Variants in STAU2 observed in about 807,000 individuals in gnomAD.
STAU2 encodes the protein staufen double-stranded RNA binding protein 2.
Under a neutral mutation model 65.9 loss-of-function variants are expected in STAU2, and 20 were observed. The observed-to-expected ratio is 0.30, with a 90% confidence interval of 0.21 to 0.44. STAU2 has a LOEUF of 0.44. Ranked by LOEUF, STAU2 falls within the 20% of genes least tolerant of loss-of-function variation. The pLI, the probability that STAU2 is intolerant of heterozygous loss-of-function variation, is 1.00. For missense variants in STAU2, 558 were observed against 683.9 expected (o/e 0.82, Z 2.05); for synonymous variants, 232 against 233.9 (o/e 0.99, Z 0.07).
At chr8:73,498,641 A>G (rs1821565783) in intron 13 of STAU2, among the ~76,000 whole-genome samples, 1 of 151,824 alleles carries the variant, frequency 6.6e-6, no homozygotes, top group African/African-American at 2.4e-5. Context: ...AAAGAAAATC[A>G]TAAAGACAAA....
chr8:73,441,205 A>G (rs1818109359), intron 13 of STAU2: 1 of 152,238 alleles, frequency 6.6e-6, no homozygotes, highest in Non-Finnish European at 1.5e-5. Context: ...TCTATTATAT[A>G]TTTAACCATT....
At chr8:73,478,305 T>TAAA (rs10660977) in intron 13 of STAU2, among the ~76,000 whole-genome samples, 3,066 of 77,402 alleles carry the variant, frequency 0.04, 99 homozygotes, top group Admixed American at 0.13. Context: ...ACTGATGAGC[T>TAAA]AAAAAAAAAA....
At chr8:73,688,528 GTGTAGGTATGGGCA>G in intron 5 of STAU2, 112 bp downstream of exon 5, 8 of 740,244 alleles carry the variant, frequency 1.1e-5, no homozygotes, top group Non-Finnish European at 1.6e-5. Flanking sequence ...GTGTGTGTGT[GTGTAGGTATGGGCA>G]TATGTGTACT....
chr8:73,488,998 C>T (rs543792006), intron 13 of STAU2, among the ~76,000 whole-genome samples: 1 of 151,664 alleles, frequency 6.6e-6, no homozygotes, highest in East Asian at 1.9e-4. Context: ...ATTTTTTTTT[C>T]TATCAATTCT....
At chr8:73,581,853 T>G (rs1810010700) in intron 12 of STAU2, among the ~76,000 whole-genome samples, 1 of 152,184 alleles carries the variant, frequency 6.6e-6, no homozygotes, top group Non-Finnish European at 1.5e-5. Flanking sequence ...TGTTACTAAT[T>G]TCATTATACA....
chr8:73,659,010 C>T (rs1264783093), intron 6 of STAU2, among the ~76,000 whole-genome samples: 2 of 150,130 alleles, frequency 1.3e-5, no homozygotes, highest in African/African-American at 2.4e-5. Context: ...CTTCACAAAA[C>T]CTTCACTGAA....
At chr8:73,622,434 A>G (rs535329981) in intron 6 of STAU2, among the ~76,000 whole-genome samples, 3 of 151,968 alleles carry the variant, frequency 2.0e-5, no homozygotes, top group Admixed American at 6.6e-5. Flanking sequence ...CAGGTCTTTC[A>G]TATCTCTTTT....
rs577008868 is a variant in STAU2 at position 73,692,922 on chromosome 8, G to C, written c.115-4109C>G. Among the ~76,000 whole-genome samples, 82 of 152,294 alleles carry C rather than the reference G, an allele frequency of 5.4e-4. No individual in the cohort carries two copies. In the South Asian group the frequency reaches 9.1e-3, roughly 17 times the overall value. ...TGCCTGGAATCCCAGCACTTTGGGA[G>C]GCCAAGGTGGGAGGATCACTTGAGC... On this transcript the variant is annotated intron_variant, in intron 4 of 14. Coordinates refer to ENST00000524300, the MANE Select transcript of STAU2 (RefSeq NM_001164380.2).
intron 6 of STAU2, among the ~76,000 whole-genome samples, chr8:73,643,410 G>A (rs928941786): frequency 3.9e-5 from 6 of 152,140 alleles, no homozygotes; most frequent in African/African-American, 1.4e-4. Context: ...CATTCCTATG[G>A]GGGCAGAGAC....
At chr8:73,729,629 G>A (rs974163375) in intron 3 of STAU2, among the ~76,000 whole-genome samples, 1 of 152,082 alleles carries the variant, frequency 6.6e-6, no homozygotes. Flanking sequence ...ACCCAGGTTG[G>A]AGTGCAATGG....
chr8:73,547,917 A>C (rs1009280865), intron 13 of STAU2, among the ~76,000 whole-genome samples: 15 of 152,180 alleles, frequency 9.9e-5, no homozygotes, highest in African/African-American at 3.4e-4. Context: ...TTGAAAAAAA[A>C]CCACAAAAAA....
intron 6 of STAU2, among the ~76,000 whole-genome samples, chr8:73,645,442 G>C (rs1815299330): frequency 6.6e-6 from 1 of 151,828 alleles, no homozygotes; most frequent in African/African-American, 2.4e-5. Flanking sequence ...AACATGTCCA[G>C]TTGGATTTAA....
chr8:73,610,105 C>G (rs1233412942), intron 9 of STAU2, among the ~76,000 whole-genome samples: 1 of 151,916 alleles, frequency 6.6e-6, no homozygotes, highest in Non-Finnish European at 1.5e-5. Flanking sequence ...GTTGCAAAAC[C>G]CTGTCTCTAC....
chr8:73,608,606 G>A (rs1373914062), intron 9 of STAU2, among the ~76,000 whole-genome samples: 7 of 95,734 alleles, frequency 7.3e-5, no homozygotes, highest in African/African-American at 2.3e-4. Flanking sequence ...GCAAGACTCC[G>A]TCCCATAAAA....
intron 4 of STAU2, among the ~76,000 whole-genome samples, chr8:73,706,465 G>C (rs1458934068): frequency 2.6e-5 from 4 of 152,026 alleles, no homozygotes; most frequent in Non-Finnish European, 4.4e-5. Flanking sequence ...TCTTACCAGA[G>C]ATTATCATTA....
chr8:73,690,066 C>T (rs956305843), intron 4 of STAU2, among the ~76,000 whole-genome samples: 10 of 151,484 alleles, frequency 6.6e-5, no homozygotes, highest in African/African-American at 2.2e-4. Context: ...CAGTGGCTCA[C>T]GCCTGTAATC....
At chr8:73,618,599 G>C (rs768654737) in intron 6 of STAU2, among the ~76,000 whole-genome samples, 17 of 152,192 alleles carry the variant, frequency 1.1e-4, no homozygotes, top group Non-Finnish European at 2.1e-4. Context: ...GAAATGACCA[G>C]CCACTGGAAG....
intron 11 of STAU2, among the ~76,000 whole-genome samples, chr8:73,594,391 A>G (rs917308359): frequency 1.3e-5 from 2 of 152,238 alleles, no homozygotes; most frequent in African/African-American, 4.8e-5. Context: ...TCTCTGAAAC[A>G]GAATTCTTGT....
intron 13 of STAU2, among the ~76,000 whole-genome samples, chr8:73,549,147 GACTACAAC>G (rs980332856): frequency 3.3e-5 from 5 of 152,142 alleles, no homozygotes; most frequent in African/African-American, 9.7e-5. Context: ...ACTATGGTAG[GACTACAAC>G]TTTGAATGAG....
Sources: allele counts gnomAD v4.1 joint callset (sites outside exome capture counted in the v4.1 genomes callset), GRCh38; gene constraint gnomAD v4.1.1; transcripts MANE v1.5; gene names NCBI Gene and HGNC (gene_info 2026-07-23, HGNC 2026-07-21).